Variants in ANKFN1 observed in about 807,000 individuals in gnomAD.
ANKFN1 encodes the protein ankyrin repeat and fibronectin type III domain containing 1.
A neutral mutation model predicts 108.7 loss-of-function variants in ANKFN1; 74 were observed. The observed-to-expected ratio is 0.68, with a 90% CI of 0.56 to 0.83. The LOEUF is 0.83. ANKFN1 is among the 40% of genes least tolerant of loss of function. The pLI is 0.00. For synonymous variants in ANKFN1, 547 were observed against 516.2 expected, an observed-to-expected ratio of 1.06 and a Z score of -0.81; for missense variants, 1,505 against 1,382.3, an observed-to-expected ratio of 1.09 and a Z score of -1.41.
At chr17:56,326,477 A>G (rs1598409701) in intron 4 of ANKFN1, 122 bp downstream of exon 4, 2 of 1,270,536 alleles carry the variant, frequency 1.6e-6, no homozygotes, top group Non-Finnish European at 2.1e-6. Context: ...GCATCTTCCA[A>G]AGTTAGCTGC....
intron 3 of ANKFN1, among the ~76,000 whole-genome samples, chr17:56,277,029 T>G (rs2043953021): frequency 6.6e-6 from 1 of 152,156 alleles, no homozygotes; most frequent in South Asian, 2.1e-4. Flanking sequence ...GGTAGTAGTG[T>G]TTATGGGTTA....
chr17:56,414,606 C>T (rs537815550), intron 8 of ANKFN1, among the ~76,000 whole-genome samples: 14 of 151,962 alleles, frequency 9.2e-5, no homozygotes, highest in South Asian at 4.2e-4. Flanking sequence ...AGAACTGGTT[C>T]GACATATGCA....
At chr17:56,467,787 GAAAGAAGAAAGAAAGA>G (rs1447990487) in intron 15 of ANKFN1, among the ~76,000 whole-genome samples, 503 of 75,128 alleles carry the variant, frequency 6.7e-3, no homozygotes, top group Non-Finnish European at 8.7e-3. Context: ...AAGAAAGAAA[GAAAGAAGAAAGAAAGA>G]AAGAAAGAAA....
At chr17:56,339,149 C>A (rs2045895162) in intron 4 of ANKFN1, among the ~76,000 whole-genome samples, 1 of 149,448 alleles carries the variant, frequency 6.7e-6, no homozygotes, top group East Asian at 2.0e-4. Context: ...TCTTTTGATG[C>A]TATTGTAAAT....
intron 1 of ANKFN1, among the ~76,000 whole-genome samples, chr17:56,198,331 T>C (rs1294597697): frequency 6.6e-6 from 1 of 152,200 alleles, no homozygotes; most frequent in African/African-American, 2.4e-5. Flanking sequence ...TTCCACCTCA[T>C]GACCTCGATC....
intron 11 of ANKFN1, among the ~76,000 whole-genome samples, chr17:56,455,993 A>C (rs1169603222): frequency 6.6e-6 from 1 of 152,190 alleles, no homozygotes; most frequent in African/African-American, 2.4e-5. Context: ...TGAAGAAAAA[A>C]ACTGTTCCAG....
intron 1 of ANKFN1, among the ~76,000 whole-genome samples, chr17:56,202,586 T>C (rs1226118426): frequency 6.6e-6 from 1 of 152,128 alleles, no homozygotes; most frequent in East Asian, 1.9e-4. Flanking sequence ...ATTTCCCCCC[T>C]CCACACCCTT....
At chr17:56,250,521 G>A (rs1437466276) in intron 3 of ANKFN1, among the ~76,000 whole-genome samples, 1 of 152,144 alleles carries the variant, frequency 6.6e-6, no homozygotes, top group Non-Finnish European at 1.5e-5. Flanking sequence ...TATTAATATT[G>A]AAAATAGTAA....
intron 3 of ANKFN1, among the ~76,000 whole-genome samples, chr17:56,296,209 G>A (rs918774899): frequency 2.0e-5 from 3 of 152,088 alleles, no homozygotes; most frequent in Non-Finnish European, 4.4e-5. Context: ...GGGGCAGGGT[G>A]TGAACCAGCA....
At chr17:56,374,339 C>T (rs914923222) in intron 7 of ANKFN1, among the ~76,000 whole-genome samples, 1 of 152,172 alleles carries the variant, frequency 6.6e-6, no homozygotes, top group Non-Finnish European at 1.5e-5. Context: ...AATCTCCTAT[C>T]GTGTTTGCAG....
At chr17:56,244,983 A>G (rs557078918) in intron 3 of ANKFN1, among the ~76,000 whole-genome samples, 1 of 152,260 alleles carries the variant, frequency 6.6e-6, no homozygotes, top group South Asian at 2.1e-4. Context: ...TTTCAATAAT[A>G]TTGAATATAT....
In ANKFN1 at chr17:56,499,092, G is replaced by A; in HGVS notation, c.2638G>A (p.Val880Met). The change falls in exon 20 of 21, where the codon GTG (valine) becomes ATG (methionine). Residue 880 changes from valine (V) to methionine (M), a missense_variant. Transcript: ENST00000682825. The part of the protein sequence containing the change: ...PSPEMHRRKT[V>M]SDSQPCSDEE... The stretch of plus-strand genomic sequence containing the variant: ...CCCAGAGATGCACAGAAGAAAGACA[G>A]TGAGTGGTAAGCAATGAGATCTGAA... 6.5e-7 allele frequency: 1 copy of A among 1,535,382 alleles called. No homozygotes were observed. Among genetic ancestry groups the A allele is most frequent in the Non-Finnish European group, 8.7e-7 (1 of 1,146,436 alleles).
At chr17:56,056,409 C>CCTGACTT (rs1904878494) in intron 4 of ANKFN1, among the ~76,000 whole-genome samples, 1 of 149,666 alleles carries the variant, frequency 6.7e-6, no homozygotes, top group Non-Finnish European at 1.5e-5. Flanking sequence ...GATTGCATTG[C>CCTGACTT]CTGACTTCAA....
chr17:56,177,631 A>G (rs1456833099), intron 1 of ANKFN1, among the ~76,000 whole-genome samples: 2 of 152,254 alleles, frequency 1.3e-5, no homozygotes, highest in Non-Finnish European at 2.9e-5. Context: ...CTCACAAAAT[A>G]AAAGATCAAT....
chr17:56,230,608 C>T (rs1330124520), intron 3 of ANKFN1, among the ~76,000 whole-genome samples: 1 of 152,034 alleles, frequency 6.6e-6, no homozygotes, highest in Non-Finnish European at 1.5e-5. Flanking sequence ...TCTGGAAAGA[C>T]TTGCACCCAC....
intron 1 of ANKFN1, among the ~76,000 whole-genome samples, chr17:56,188,354 T>G (rs867469837): frequency 2.6e-5 from 4 of 151,652 alleles, no homozygotes; most frequent in Non-Finnish European, 2.9e-5. Context: ...AAGAGGAATC[T>G]CTCTTAAAAT....
intron 3 of ANKFN1, among the ~76,000 whole-genome samples, chr17:56,309,017 T>C (rs1017291143): frequency 6.6e-6 from 1 of 152,242 alleles, no homozygotes; most frequent in Admixed American, 6.5e-5. Flanking sequence ...AGTAATATTT[T>C]CTTTTTTGGC....
intron 14 of ANKFN1, among the ~76,000 whole-genome samples, chr17:56,465,601 A>G (rs947407053): frequency 6.6e-6 from 1 of 152,188 alleles, no homozygotes; most frequent in Non-Finnish European, 1.5e-5. Context: ...ATTTTATCCT[A>G]TTCATCCAGT....
chr17:56,360,401 G>A (rs138767772), intron 6 of ANKFN1, among the ~76,000 whole-genome samples: 2 of 152,234 alleles, frequency 1.3e-5, no homozygotes, highest in African/African-American at 4.8e-5. Context: ...GCTTTCTCTG[G>A]CCACCAAGTC....
Sources: gnomAD v4.1 joint callset for allele counts (sites outside exome capture counted in the v4.1 genomes callset) on GRCh38, gnomAD v4.1.1 for gene constraint, MANE v1.5 for transcripts, NCBI Gene and HGNC (gene_info 2026-07-23, HGNC 2026-07-21) for gene names.